USP10: variants seen among roughly 807,000 people sequenced by gnomAD.
The protein encoded by USP10 is ubiquitin carboxyl-terminal hydrolase 10.
A neutral mutation model predicts 84.5 loss-of-function variants in USP10; 22 were observed. The ratio of observed to expected loss-of-function variants is 0.26; its 90% CI spans 0.19 to 0.37. The LOEUF (loss-of-function observed/expected upper bound fraction) is 0.37, where lower values mean the gene tolerates loss of function less well. Ranked by LOEUF, USP10 falls within the 10% of genes least tolerant of loss-of-function variation. The pLI, the probability that USP10 is intolerant of heterozygous loss-of-function variation, is 1.00. For missense variants in USP10, 1,019 were observed against 998.9 expected, an observed-to-expected ratio of 1.02 and a Z score of -0.27; for synonymous variants, 454 against 387.6, an observed-to-expected ratio of 1.17 and a Z score of -2.01.
At chr16:84,703,404 C>G in intron 1 of USP10, among the ~76,000 whole-genome samples, 1 of 152,202 alleles carries the variant, frequency 6.6e-6, no homozygotes, top group East Asian at 1.9e-4. Context: ...TCTGCATAGA[C>G]TCACCCCAGT....
At chr16:84,732,431 ACTT>A (rs143371658) in intron 1 of USP10, 29,889 of 390,236 alleles carry the variant, frequency 0.077, 620 homozygotes, top group East Asian at 0.16. Flanking sequence ...CTTCTCAATG[ACTT>A]CTTCTTCTTC....
At chr16:84,759,533 T>C in intron 6 of USP10, 61 bp downstream of exon 6, 1 of 1,442,468 alleles carries the variant, frequency 6.9e-7, no homozygotes, top group Non-Finnish European at 9.7e-7. Flanking sequence ...ATAATTAGAA[T>C]TGAAATAGTT....
intron 1 of USP10, 25 bp downstream of exon 1, chr16:84,700,136 C>T: frequency 7.6e-7 from 1 of 1,322,800 alleles, no homozygotes. Context: ...GCGCCTTCGG[C>T]CGGAAGGGGC....
chr16:84,705,238 G>T (rs1215355907), intron 1 of USP10, among the ~76,000 whole-genome samples: 6 of 143,756 alleles, frequency 4.2e-5, no homozygotes, highest in African/African-American at 7.6e-5. Flanking sequence ...TTTTTTGTTT[G>T]TTTTTTTTTT....
At chr16:84,771,639 C>T (rs1445713160) in intron 11 of USP10, among the ~76,000 whole-genome samples, 1 of 152,186 alleles carries the variant, frequency 6.6e-6, no homozygotes, top group African/African-American at 2.4e-5. Context: ...GAGGCTGAGG[C>T]AGGTGGATCA....
Position 84,706,472 on chromosome 16 carries a change from A to G in USP10, c.21+6361A>G, listed in dbSNP as rs1567585273. 3.4e-5 allele frequency among the ~76,000 whole-genome samples: 5 copies of G among 148,582 alleles called. No homozygotes were observed. In the South Asian group the frequency reaches 6.3e-4, roughly 19 times the overall value. ...CCTTACGTGGCTGCAAAGACTATATATATATTTATATGTATTTATTTGTAT... is the reference window on the plus strand; with the variant it reads ...CCTTACGTGGCTGCAAAGACTATATGTATATTTATATGTATTTATTTGTAT... On this transcript the variant is annotated intron_variant, in intron 1 of 13. Coordinates refer to ENST00000219473, the MANE Select transcript of USP10 (RefSeq NM_005153.3).
chr16:84,719,088 G>A lies in USP10; in HGVS notation c.22-14347G>A, dbSNP rs560944679. ...ATTACAGGCATGAGCCACCGCGCCC[G>A]GCCAGTTTAGTTGTTGTTGTTGTTG... On this transcript the variant is annotated intron_variant, in intron 1 of 13. Coordinates refer to ENST00000219473, the MANE Select transcript of USP10 (RefSeq NM_005153.3). Among the ~76,000 whole-genome samples, 8 of 152,030 alleles carry A rather than the reference G, an allele frequency of 5.3e-5. No homozygotes were observed. The South Asian group carries it at 6.2e-4, about 12-fold the overall frequency.
At position 84,764,101 on chromosome 16, in the gene USP10, A is replaced by G. The variant is rs1913541761; in HGVS notation, c.1670A>G (p.Asn557Ser). Residue 557 changes from asparagine (N) to serine (S), a missense_variant, in exon 10 of 14, where the codon AAC (asparagine) becomes AGC (serine). Coordinates refer to ENST00000219473, the MANE Select transcript of USP10 (RefSeq NM_005153.3). ...TCCTTTTCAGAACTTACGATTTCCA[A>G]CGGCCCCAAAAACCACTCGGTCAAT... The part of the protein sequence containing the change: ...SPSNEKLTIS[N>S]GPKNHSVNEE... The G allele has an allele frequency of 1.2e-6, 2 of 1,613,172 alleles. No individual in the cohort carries two copies. Among genetic ancestry groups the G allele is most frequent in the African/African-American group, 1.3e-5 (1 of 74,846 alleles).
At chr16:84,763,338 G>A (rs909077340) in intron 9 of USP10, among the ~76,000 whole-genome samples, 7 of 152,006 alleles carry the variant, frequency 4.6e-5, no homozygotes, top group Non-Finnish European at 7.4e-5. Flanking sequence ...TGAAAGAATC[G>A]TTTGATGAAT....
At chr16:84,760,920 A>G (rs1457143372) in intron 8 of USP10, among the ~76,000 whole-genome samples, 4 of 152,238 alleles carry the variant, frequency 2.6e-5, no homozygotes, top group African/African-American at 9.6e-5. Context: ...AAATGTATTC[A>G]GAGAGAAAAA....
At chr16:84,768,472 G>A (rs1413996397) in intron 11 of USP10, 114 bp downstream of exon 11, 3 of 1,056,986 alleles carry the variant, frequency 2.8e-6, no homozygotes, top group Non-Finnish European at 3.8e-6. Context: ...TAAATCAGTT[G>A]CTTAACCATT....
At chr16:84,712,978 C>T (rs992136815) in intron 1 of USP10, among the ~76,000 whole-genome samples, 1 of 152,186 alleles carries the variant, frequency 6.6e-6, no homozygotes, top group Non-Finnish European at 1.5e-5. Context: ...TGTTAGTGGG[C>T]ATGCCAGTGA....
chr16:84,709,057 A>G (rs895562713), intron 1 of USP10: 1 of 152,272 alleles, frequency 6.6e-6, no homozygotes, highest in Non-Finnish European at 1.5e-5. Context: ...TTGTTCATTC[A>G]TTCAGCAAAT....
chr16:84,700,580 C>A (rs937086776), intron 1 of USP10, among the ~76,000 whole-genome samples: 12 of 152,160 alleles, frequency 7.9e-5, no homozygotes, highest in Non-Finnish European at 2.9e-5. Flanking sequence ...GCCCCTTTGC[C>A]CCAAGAGCTT....
chr16:84,738,107 G>T (rs1177260629), intron 2 of USP10, among the ~76,000 whole-genome samples: 1 of 73,404 alleles, frequency 1.4e-5, no homozygotes, highest in Non-Finnish European at 2.5e-5. Flanking sequence ...TTGTGAAGTG[G>T]ATGGGTGAAG....
intron 10 of USP10, among the ~76,000 whole-genome samples, chr16:84,766,523 C>A (rs1332204435): frequency 6.6e-6 from 1 of 152,198 alleles, no homozygotes; most frequent in African/African-American, 2.4e-5. Flanking sequence ...GTGAGGACAC[C>A]CCCTCGGGAT....
intron 3 of USP10, among the ~76,000 whole-genome samples, 168 bp from the exon 4 acceptor site, chr16:84,744,465 A>G (rs1045966893): frequency 6.6e-6 from 1 of 152,204 alleles, no homozygotes; most frequent in Non-Finnish European, 1.5e-5. Context: ...TAATAATTTT[A>G]TAGTTGTTTC....
At chr16:84,745,716 G>A (rs1463139137) in intron 4 of USP10, 43 bp downstream of exon 4, 1 of 1,550,646 alleles carries the variant, frequency 6.4e-7, no homozygotes, top group Non-Finnish European at 8.7e-7. Flanking sequence ...GATGGGAGCA[G>A]ACCTCATCAA....
At chr16:84,740,680 C>T (rs921204577) in intron 3 of USP10, among the ~76,000 whole-genome samples, 3 of 152,206 alleles carry the variant, frequency 2.0e-5, no homozygotes, top group Non-Finnish European at 2.9e-5. Context: ...GGAGTTGAAG[C>T]GAACTTTGGG....
Sources: gnomAD v4.1 joint callset for allele counts (sites outside exome capture counted in the v4.1 genomes callset) on GRCh38, gnomAD v4.1.1 for gene constraint, MANE v1.5 for transcripts, NCBI Gene and HGNC (gene_info 2026-07-23, HGNC 2026-07-21) for gene names.